Variants in IMMP2L observed in about 807,000 individuals in gnomAD.
The protein encoded by IMMP2L is inner mitochondrial membrane peptidase subunit 2.
Under a neutral mutation model 19.3 loss-of-function variants are expected in IMMP2L, and 18 were observed. That is an observed-to-expected ratio of 0.93 (90% CI 0.64 to 1.38). The LOEUF (loss-of-function observed/expected upper bound fraction) is 1.38, where lower values mean the gene tolerates loss of function less well. Among genes scored for constraint, IMMP2L ranks in the 40% most tolerant of loss-of-function variants. The pLI is 0.00. For synonymous variants in IMMP2L, 76 were observed against 73.0 expected, an observed-to-expected ratio of 1.04 and a Z score of -0.21; for missense variants, 233 against 218.2, an observed-to-expected ratio of 1.07 and a Z score of -0.43.
intron 3 of IMMP2L, among the ~76,000 whole-genome samples, chr7:111,063,558 C>T (rs751695512): frequency 1.2e-4 from 19 of 152,214 alleles, no homozygotes; most frequent in Non-Finnish European, 2.4e-4. Flanking sequence ...TTTTCTACTG[C>T]ACTGTCAGGC....
chr7:111,150,106 A>G (rs1803910365), intron 3 of IMMP2L, among the ~76,000 whole-genome samples: 1 of 152,138 alleles, frequency 6.6e-6, no homozygotes, highest in African/African-American at 2.4e-5. Flanking sequence ...AAAACGTAAA[A>G]TCTCAACCAT....
chr7:111,197,559 C>T lies in IMMP2L; in HGVS notation c.240-233994G>A, dbSNP rs146912904. ...GCTAATTATTTGATGAAGATATCTC[C>T]ATACGTCTTTAAAAAGGCAATCAAA... is the stretch of plus-strand genomic sequence containing the variant. On this transcript the variant is annotated intron_variant, in intron 3 of 5. Transcript: ENST00000405709. Among the ~76,000 whole-genome samples the T allele has an allele frequency of 2.5e-4, 38 of 152,206 alleles. 1 individual carries two copies. In the East Asian group the frequency reaches 7.3e-3, roughly 29 times the overall value.
At chr7:111,242,474 C>A (rs984370360) in intron 3 of IMMP2L, among the ~76,000 whole-genome samples, 1 of 151,936 alleles carries the variant, frequency 6.6e-6, no homozygotes, top group Admixed American at 6.6e-5. Flanking sequence ...GATCCAGGGG[C>A]GCAGTTAAAG....
chr7:111,380,450 A>G (rs1228481337), intron 3 of IMMP2L, among the ~76,000 whole-genome samples: 1 of 152,044 alleles, frequency 6.6e-6, no homozygotes, highest in African/African-American at 2.4e-5. Context: ...CTAAATGGAC[A>G]TGAAAGGACT....
chr7:110,881,383 T>C (rs184467811), intron 5 of IMMP2L, among the ~76,000 whole-genome samples: 1 of 152,282 alleles, frequency 6.6e-6, no homozygotes, highest in East Asian at 1.9e-4. Context: ...TGAGAAACAT[T>C]TGATGAAAAA....
At chr7:111,002,545 T>A (rs758130697) in intron 3 of IMMP2L, among the ~76,000 whole-genome samples, 4 of 152,150 alleles carry the variant, frequency 2.6e-5, no homozygotes, top group Non-Finnish European at 5.9e-5. Context: ...CTTTGAGTTC[T>A]TGAAGGCCTG....
intron 5 of IMMP2L, among the ~76,000 whole-genome samples, chr7:110,834,166 A>G (rs1406072303): frequency 6.6e-6 from 1 of 152,126 alleles, no homozygotes; most frequent in Non-Finnish European, 1.5e-5. Flanking sequence ...AGCTTCTTCA[A>G]ATATTCTTTA....
At chr7:111,454,270 C>T (rs1839485976) in intron 3 of IMMP2L, among the ~76,000 whole-genome samples, 1 of 152,058 alleles carries the variant, frequency 6.6e-6, no homozygotes, top group Non-Finnish European at 1.5e-5. Context: ...TAGCTGGGAC[C>T]ACAGGTGCAG....
intron 3 of IMMP2L, among the ~76,000 whole-genome samples, chr7:111,076,566 G>T (rs1247760473): frequency 6.6e-6 from 1 of 152,166 alleles, no homozygotes; most frequent in East Asian, 1.9e-4. Context: ...TGTAGCTCAG[G>T]AATCAGCCCA....
At chr7:110,973,490 A>T (rs935169559) in intron 3 of IMMP2L, among the ~76,000 whole-genome samples, 1 of 152,126 alleles carries the variant, frequency 6.6e-6, no homozygotes, top group African/African-American at 2.4e-5. Flanking sequence ...TAACTATAAA[A>T]TTTATTGAGG....
At chr7:111,173,810 T>C (rs572164210) in intron 3 of IMMP2L, among the ~76,000 whole-genome samples, 64 of 151,776 alleles carry the variant, frequency 4.2e-4, no homozygotes, top group African/African-American at 1.5e-3. Flanking sequence ...AAAATGTAGA[T>C]AAAATATGAG....
chr7:111,300,744 T>A (rs907047826), intron 3 of IMMP2L, among the ~76,000 whole-genome samples: 1 of 152,222 alleles, frequency 6.6e-6, no homozygotes, highest in Admixed American at 6.6e-5. Context: ...GCAGAAAAAT[T>A]CCCTGGAGAT....
intron 5 of IMMP2L, among the ~76,000 whole-genome samples, chr7:110,820,205 G>A (rs1802899500): frequency 6.6e-6 from 1 of 151,958 alleles, no homozygotes; most frequent in African/African-American, 2.4e-5. Flanking sequence ...TTGATTAACA[G>A]CATTCATATT....
chr7:110,866,704 A>G (rs1808016293), intron 5 of IMMP2L, among the ~76,000 whole-genome samples: 2 of 152,122 alleles, frequency 1.3e-5, no homozygotes, highest in African/African-American at 4.8e-5. Flanking sequence ...ACATTTTACC[A>G]AAGGTTTCCG....
intron 3 of IMMP2L, among the ~76,000 whole-genome samples, chr7:111,114,126 A>G (rs977022277): frequency 6.7e-6 from 1 of 149,350 alleles, no homozygotes; most frequent in Admixed American, 6.6e-5. Flanking sequence ...ACACATACAC[A>G]TAAATCTACA....
intron 1 of IMMP2L, among the ~76,000 whole-genome samples, chr7:111,526,257 T>TCAC (rs1846841580): frequency 6.6e-6 from 1 of 152,138 alleles, no homozygotes; most frequent in Admixed American, 6.5e-5. Flanking sequence ...AAACAATACC[T>TCAC]TACATTTCAA....
At chr7:111,384,287 GA>G (rs1831514611) in intron 3 of IMMP2L, among the ~76,000 whole-genome samples, 1 of 149,474 alleles carries the variant, frequency 6.7e-6, no homozygotes, top group Admixed American at 6.6e-5. Flanking sequence ...AAGGAGAAAG[GA>G]GAGAGGAGAA....
chr7:111,555,964 G>C (rs1791249623), intron 1 of IMMP2L, among the ~76,000 whole-genome samples: 1 of 137,734 alleles, frequency 7.3e-6, no homozygotes, highest in Non-Finnish European at 1.5e-5. Context: ...ATTAAAAATA[G>C]AACTACCATT....
chr7:111,148,858 C>T (rs1803770490), intron 3 of IMMP2L, among the ~76,000 whole-genome samples: 1 of 151,922 alleles, frequency 6.6e-6, no homozygotes. Context: ...CTAATAGTTC[C>T]TCTAAGTGCT....
Sources: allele counts gnomAD v4.1 joint callset (sites outside exome capture counted in the v4.1 genomes callset), GRCh38; gene constraint gnomAD v4.1.1; transcripts MANE v1.5; gene names NCBI Gene and HGNC (gene_info 2026-07-23, HGNC 2026-07-21).